The following SLC29A4 variants were observed in gnomAD, a reference collection of about 807,000 sequenced individuals.
SLC29A4 encodes the protein solute carrier family 29 member 4.
In SLC29A4, 36 loss-of-function variants were observed where a neutral mutation model predicts 43.9. The ratio of observed to expected loss-of-function variants is 0.82; its 90% CI spans 0.63 to 1.08. The LOEUF (loss-of-function observed/expected upper bound fraction) is 1.08, where lower values mean the gene tolerates loss of function less well. Ranked by LOEUF, SLC29A4 falls within the 50% of genes least tolerant of loss-of-function variation. The pLI, the probability that SLC29A4 is intolerant of heterozygous loss-of-function variation, is 0.00. For synonymous variants in SLC29A4, 491 were observed against 338.0 expected (o/e 1.45, Z -4.97); for missense variants, 869 against 755.3 (o/e 1.15, Z -1.77).
intron 1 of SLC29A4, 103 bp from the exon 2 acceptor site, chr7:5,287,706 G>A (rs1190810688): frequency 5.7e-6 from 7 of 1,224,068 alleles, no homozygotes; most frequent in Non-Finnish European, 7.9e-6. Flanking sequence ...TGTGACCAAA[G>A]TGACATGTGT....
At position 5,297,218 on chromosome 7, in the gene SLC29A4, C is replaced by T. The variant is rs377479792; in HGVS notation, c.882+20C>T. 249 of 1,551,634 alleles carry T rather than the reference C, an allele frequency of 1.6e-4. No individual in the cohort carries two copies. Among genetic ancestry groups the T allele is most frequent in the Middle Eastern group, 1.8e-4 (1 of 5,564 alleles). On this transcript the variant is annotated intron_variant, in intron 7 of 10. Coordinates refer to ENST00000396872, the MANE Select transcript of SLC29A4 (RefSeq NM_153247.4). ...CACTTCGTAAGTGCGCACCGCCCAC[C>T]TCTGTTCCCTTCTCTGTCCCCTTCT... is the stretch of plus-strand genomic sequence containing the variant.
At chr7:5,286,133 C>G (rs533623244) in intron 1 of SLC29A4, among the ~76,000 whole-genome samples, 17 of 152,302 alleles carry the variant, frequency 1.1e-4, no homozygotes, top group Non-Finnish European at 5.9e-5. Flanking sequence ...GCACTACATT[C>G]AGCACTCAGT....
At chr7:5,295,359 T>G (rs1037250471) in intron 6 of SLC29A4, among the ~76,000 whole-genome samples, 1 of 152,168 alleles carries the variant, frequency 6.6e-6, no homozygotes, top group African/African-American at 2.4e-5. Context: ...AGCCACCCCC[T>G]GGTCAGCACC....
At chr7:5,291,961 C>T (rs1193798188) in intron 5 of SLC29A4, 140 bp downstream of exon 5, 41 of 1,203,500 alleles carry the variant, frequency 3.4e-5, no homozygotes, top group Non-Finnish European at 4.7e-5. Flanking sequence ...CACCTGCATG[C>T]CAGCGTGCAC....
chr7:5,298,227 A>AG (rs1375420570), intron 7 of SLC29A4, among the ~76,000 whole-genome samples: 2 of 152,174 alleles, frequency 1.3e-5, no homozygotes, highest in Admixed American at 1.3e-4. Flanking sequence ...AGAGGGGCCC[A>AG]GGATGGAAGG....
intron 5 of SLC29A4, among the ~76,000 whole-genome samples, chr7:5,292,932 C>T (rs1785401632): frequency 2.6e-5 from 4 of 151,308 alleles, no homozygotes; most frequent in Non-Finnish European, 1.5e-5. Context: ...CTCCTGACCT[C>T]AGGTGATCCG....
chr7:5,296,868 TGGGGC>T, intron 6 of SLC29A4, 63 bp from the exon 7 acceptor site: 1 of 1,185,740 alleles, frequency 8.4e-7, no homozygotes, highest in Non-Finnish European at 1.1e-6. Context: ...TGGACGGGGC[TGGGGC>T]GGGACGGGGC....
At chr7:5,301,584 A>G (rs1043127502) in intron 10 of SLC29A4, among the ~76,000 whole-genome samples, 5 of 152,188 alleles carry the variant, frequency 3.3e-5, no homozygotes, top group Admixed American at 6.5e-5. Flanking sequence ...TTGATAAAGC[A>G]TCCCTCCAGC....
chr7:5,286,762 C>T (rs1204714779), intron 1 of SLC29A4, among the ~76,000 whole-genome samples: 5 of 152,190 alleles, frequency 3.3e-5, no homozygotes, highest in Non-Finnish European at 7.3e-5. Flanking sequence ...GCCATCGTGG[C>T]TCAAAGTGCC....
chr7:5,297,093 C>G lies in SLC29A4; in HGVS notation c.777C>G (p.Leu259=), dbSNP rs562426621. The G allele has an allele frequency of 1.1e-5, 18 of 1,607,960 alleles. No homozygotes were observed. Among genetic ancestry groups the G allele is most frequent in the African/African-American group, 2.7e-5 (2 of 75,012 alleles). The change falls in exon 7 of 11, where the codon CTC becomes CTG. Residue 259 remains leucine, a synonymous_variant. Coordinates refer to ENST00000396872, the MANE Select transcript of SLC29A4 (RefSeq NM_153247.4). ...TAGTGCGGCGCAGCCGCTTCGTGCTCTTCTATACCACACGGCCGCGTGACA... is the reference window on the plus strand; with the variant it reads ...TAGTGCGGCGCAGCCGCTTCGTGCTGTTCTATACCACACGGCCGCGTGACA... ...HLLVRRSRFV[L]FYTTRPRDSH... is the part of the protein sequence containing the mutation.
At chr7:5,300,275 G>A (rs1412734592) in intron 9 of SLC29A4, 147 bp from the exon 10 acceptor site, 1 of 1,212,150 alleles carries the variant, frequency 8.2e-7, no homozygotes, top group Admixed American at 2.4e-5. Flanking sequence ...CTTTTAGAGG[G>A]GTGATCCGGA....
chr7:5,296,789 A>G (rs1384159269), intron 6 of SLC29A4, 147 bp from the exon 7 acceptor site: 22 of 811,970 alleles, frequency 2.7e-5, no homozygotes, highest in East Asian at 1.0e-4. Flanking sequence ...CCTGTGGTGG[A>G]GGGCGGGGCC....
intron 2 of SLC29A4, among the ~76,000 whole-genome samples, chr7:5,288,281 G>A (rs1785086693): frequency 2.0e-5 from 3 of 149,062 alleles, no homozygotes; most frequent in Non-Finnish European, 3.0e-5. Flanking sequence ...TGGCTCATGC[G>A]CTGACCCGTA....
intron 1 of SLC29A4, among the ~76,000 whole-genome samples, chr7:5,285,996 C>T (rs1201774708): frequency 1.3e-5 from 2 of 151,854 alleles, no homozygotes; most frequent in Non-Finnish European, 2.9e-5. Flanking sequence ...GGCAACAAAG[C>T]GAGACTCTGT....
At chr7:5,301,603 G>T (rs1028426403) in intron 10 of SLC29A4, among the ~76,000 whole-genome samples, 15 of 152,218 alleles carry the variant, frequency 9.9e-5, no homozygotes, top group African/African-American at 3.4e-4. Flanking sequence ...GCTGCCGTGG[G>T]CATGGAGGTG....
At chr7:5,287,722 C>T (rs1319266737) in intron 1 of SLC29A4, 87 bp from the exon 2 acceptor site, 4 of 1,352,208 alleles carry the variant, frequency 3.0e-6, no homozygotes, top group Non-Finnish European at 3.0e-6. Context: ...TGTGTCACTC[C>T]AGGTAGAAGC....
At chr7:5,291,316 C>A (rs1785297533) in intron 4 of SLC29A4, 79 bp downstream of exon 4, 7 of 1,344,252 alleles carry the variant, frequency 5.2e-6, no homozygotes, top group Middle Eastern at 2.5e-4. Flanking sequence ...ACCCAGTTTC[C>A]CTGAGCCTCA....
intron 2 of SLC29A4, among the ~76,000 whole-genome samples, chr7:5,289,688 C>G (rs1289244113): frequency 6.6e-6 from 1 of 152,088 alleles, no homozygotes; most frequent in African/African-American, 2.4e-5. Flanking sequence ...CATAAACAGA[C>G]CATCACGGTC....
rs1367437453 is a variant in SLC29A4, at chr7:5,294,840, T to G, written c.545-20T>G. 6.5e-7 allele frequency: 1 copy of G among 1,547,032 alleles called. No homozygotes were observed. The highest frequency in any genetic ancestry group is 8.7e-7 in the Non-Finnish European group (1 of 1,153,908). On this transcript the variant is annotated intron_variant, in intron 5 of 10. Transcript: ENST00000396872. ...GGTGATAATGGTGCCTCTGGGTTGT[T>G]CCTCTCTCTCTCTCTTAAGTGCAGC...
Sources: allele counts gnomAD v4.1 joint callset (sites outside exome capture counted in the v4.1 genomes callset), GRCh38; gene constraint gnomAD v4.1.1; transcripts MANE v1.5; gene names NCBI Gene and HGNC (gene_info 2026-07-23, HGNC 2026-07-21).